LNPK: variants seen among roughly 807,000 people sequenced by gnomAD.
LNPK encodes the protein endoplasmic reticulum junction formation protein lunapark.
In LNPK, 29 loss-of-function variants were observed where a neutral mutation model predicts 55.2. The ratio of observed to expected loss-of-function variants is 0.53; its 90% CI spans 0.39 to 0.72. LNPK has a LOEUF of 0.72. LNPK is among the 30% of genes least tolerant of loss of function. LNPK has a pLI of 0.00. For missense variants in LNPK, 467 were observed against 494.8 expected (o/e 0.94, Z 0.53); for synonymous variants, 162 against 168.2 (o/e 0.96, Z 0.29).
intron 5 of LNPK, among the ~76,000 whole-genome samples, chr2:175,974,440 G>C (rs1362343877): frequency 6.6e-6 from 1 of 152,104 alleles, no homozygotes; most frequent in Non-Finnish European, 1.5e-5. Flanking sequence ...AGTGATGAGA[G>C]CACCACATAC....
chr2:175,933,730 G>GTTTT (rs1684394515), intron 12 of LNPK, among the ~76,000 whole-genome samples: 1 of 68,380 alleles, frequency 1.5e-5, no homozygotes, highest in African/African-American at 4.7e-5. Flanking sequence ...ACAAGTTAAG[G>GTTTT]GTTTTTTTTT....
At chr2:175,932,257 T>C (rs1684313138) in intron 12 of LNPK, 3 of 440,694 alleles carry the variant, frequency 6.8e-6, no homozygotes, top group South Asian at 4.8e-5. Flanking sequence ...TCAAAGCCGA[T>C]TTAATGTACA....
chr2:175,995,576 T>C lies in LNPK; in HGVS notation c.9A>G (p.Gly3=). Residue 3 remains glycine, a synonymous_variant, in exon 2 of 13, where the codon GGA becomes GGG. Coordinates refer to ENST00000272748, the MANE Select transcript of LNPK (RefSeq NM_030650.3). MG[G]LFSRWRTKPS... is the part of the protein sequence containing the mutation. ...ACCTTACCCTCCATCGAGAAAATAATCCACCCATCTTTTATTTGTAGAAAC... is the reference window on the plus strand; with the variant it reads ...ACCTTACCCTCCATCGAGAAAATAACCCACCCATCTTTTATTTGTAGAAAC... 1 of 1,610,474 alleles carries C rather than the reference T, an allele frequency of 6.2e-7. No homozygotes were observed. The highest frequency in any genetic ancestry group is 8.5e-7 in the Non-Finnish European group (1 of 1,177,238).
intron 8 of LNPK, among the ~76,000 whole-genome samples, chr2:175,963,037 T>G (rs1686131355): frequency 6.8e-6 from 1 of 147,662 alleles, no homozygotes; most frequent in South Asian, 2.2e-4. Context: ...ATGGCAATCA[T>G]TAAAAAGTCA....
At chr2:175,989,121 A>G (rs1266328040) in intron 4 of LNPK, among the ~76,000 whole-genome samples, 2 of 152,140 alleles carry the variant, frequency 1.3e-5, no homozygotes, top group African/African-American at 4.8e-5. Context: ...TAAACATTTA[A>G]CTTTCTTCAA....
intron 5 of LNPK, among the ~76,000 whole-genome samples, chr2:175,976,765 C>T (rs188888612): frequency 3.3e-5 from 5 of 152,336 alleles, no homozygotes; most frequent in Admixed American, 2.6e-4. Context: ...CAGACTAGAA[C>T]TTACACTTAC....
At chr2:175,966,224 C>T (rs892084884) in intron 6 of LNPK, among the ~76,000 whole-genome samples, 5 of 152,150 alleles carry the variant, frequency 3.3e-5, no homozygotes, top group African/African-American at 9.7e-5. Context: ...CCACCACACC[C>T]GGCTAGTTTT....
chr2:175,955,721 T>A (rs997858805), intron 8 of LNPK, among the ~76,000 whole-genome samples: 3 of 152,108 alleles, frequency 2.0e-5, no homozygotes, highest in Non-Finnish European at 4.4e-5. Context: ...CAAAAAAAGA[T>A]CTATAATTTC....
At chr2:175,943,616 A>G (rs1684974492) in intron 9 of LNPK, among the ~76,000 whole-genome samples, 1 of 152,102 alleles carries the variant, frequency 6.6e-6, no homozygotes, top group African/African-American at 2.4e-5. Context: ...TAACATTTAA[A>G]AATCAATGTA....
At position 175,924,366 on chromosome 2, in the gene LNPK, A is replaced by G. The variant is rs375850474; in HGVS notation, c.*5601T>C. 2.0e-5 allele frequency: 3 copies of G among 152,356 alleles called. No individual in the cohort carries two copies. The highest frequency in any genetic ancestry group is 3.4e-3 in the Middle Eastern group (1 of 294). 9.4% of individuals were successfully genotyped at this position (152,356 alleles called of 1,614,324 possible). On this transcript the variant is annotated 3_prime_UTR_variant, in exon 13 of 13. Transcript: ENST00000272748. ...TAATAAATCCAACAGGTAATATTGT[A>G]AAGTAATATTGTAAGAAGAAAGTTT...
chr2:175,979,015 C>T (rs1428227186), intron 5 of LNPK, among the ~76,000 whole-genome samples: 1 of 151,664 alleles, frequency 6.6e-6, no homozygotes, highest in African/African-American at 2.4e-5. Flanking sequence ...CTTAGTCAAA[C>T]AAATAAAATT....
chr2:175,952,079 A>ATTGT (rs112343901), intron 8 of LNPK, among the ~76,000 whole-genome samples: 77,235 of 150,974 alleles, frequency 0.51, 20,552 homozygotes, highest in African/African-American at 0.66. Flanking sequence ...TTTTGATGGG[A>ATTGT]TTGTTTTTTC....
At position 175,927,756 on chromosome 2, in the gene LNPK, C is replaced by T. The variant is rs1684074688; in HGVS notation, c.*2211G>A. 2 of 107,550 alleles carry T rather than the reference C, an allele frequency of 1.9e-5. No individual in the cohort carries two copies. Among genetic ancestry groups the T allele is most frequent in the African/African-American group, 8.4e-5 (2 of 23,842 alleles). 6.7% of individuals were successfully genotyped at this position (107,550 alleles called of 1,614,324 possible). On this transcript the variant is annotated 3_prime_UTR_variant, in exon 13 of 13. Transcript: ENST00000272748. ...TAATAATCAGAAATAGGACATTTTA[C>T]TAAGTTTCAACCATTAACTGTTTAT...
chr2:175,983,659 A>C (rs1368913800), intron 4 of LNPK, among the ~76,000 whole-genome samples: 1 of 152,138 alleles, frequency 6.6e-6, no homozygotes, highest in African/African-American at 2.4e-5. Flanking sequence ...ATCTAAAACT[A>C]AGTATCTTTT....
At chr2:175,945,924 T>G (rs1685101556) in intron 9 of LNPK, among the ~76,000 whole-genome samples, 1 of 152,194 alleles carries the variant, frequency 6.6e-6, no homozygotes, top group Non-Finnish European at 1.5e-5. Flanking sequence ...GGTTATTAAT[T>G]TTCAAACATA....
At chr2:175,969,607 C>G (rs999558564) in intron 6 of LNPK, among the ~76,000 whole-genome samples, 1 of 152,146 alleles carries the variant, frequency 6.6e-6, no homozygotes, top group Non-Finnish European at 1.5e-5. Context: ...CTCTGATCAC[C>G]AGTACCAGCT....
chr2:175,977,771 T>A (rs993924192), intron 5 of LNPK, among the ~76,000 whole-genome samples: 16 of 152,184 alleles, frequency 1.1e-4, no homozygotes, highest in African/African-American at 2.7e-4. Context: ...AATAATTTTT[T>A]AAAAAATTTT....
At chr2:175,950,739 G>A (rs1685355520) in intron 8 of LNPK, among the ~76,000 whole-genome samples, 1 of 151,932 alleles carries the variant, frequency 6.6e-6, no homozygotes, top group African/African-American at 2.4e-5. Flanking sequence ...CTCATAATGC[G>A]AATACTTACC....
At chr2:175,951,991 T>C (rs1253942446) in intron 8 of LNPK, among the ~76,000 whole-genome samples, 3 of 152,062 alleles carry the variant, frequency 2.0e-5, no homozygotes, top group South Asian at 2.1e-4. Flanking sequence ...TCATTAGTGA[T>C]GTTGAGCATT....
Sources: gnomAD v4.1 joint callset for allele counts (sites outside exome capture counted in the v4.1 genomes callset) on GRCh38, gnomAD v4.1.1 for gene constraint, MANE v1.5 for transcripts, NCBI Gene and HGNC (gene_info 2026-07-23, HGNC 2026-07-21) for gene names.